SMIM13: variants seen among roughly 807,000 people sequenced by gnomAD.
SMIM13 encodes small integral membrane protein 13, also known as UPF0766 protein C6orf228.
A neutral mutation model predicts 5.9 loss-of-function variants in SMIM13; 3 were observed. The ratio of observed to expected loss-of-function variants is 0.51; its 90% CI spans 0.23 to 1.31. The LOEUF (loss-of-function observed/expected upper bound fraction) is 1.31, where lower values mean the gene tolerates loss of function less well. SMIM13 is among the 40% of genes most tolerant of loss of function. The pLI is 0.18. For synonymous variants in SMIM13, 55 were observed against 46.0 expected, an observed-to-expected ratio of 1.19 and a Z score of -0.79; for missense variants, 85 against 109.9, an observed-to-expected ratio of 0.77 and a Z score of 1.01.
At chr6:11,133,125 G>A (rs941784604) in intron 1 of SMIM13, among the ~76,000 whole-genome samples, 16 of 152,030 alleles carry the variant, frequency 1.1e-4, no homozygotes, top group Non-Finnish European at 2.2e-4. Context: ...CTTCTTCCTT[G>A]GTGTTCTTTC....
intron 1 of SMIM13, among the ~76,000 whole-genome samples, chr6:11,098,828 A>G (rs1757956996): frequency 1.4e-4 from 21 of 152,164 alleles, no homozygotes. Flanking sequence ...CTCATTCCCT[A>G]GAATTTTCTT....
chr6:11,103,981 G>A (rs1188892352), intron 1 of SMIM13: 11 of 1,551,534 alleles, frequency 7.1e-6, no homozygotes, highest in Non-Finnish European at 1.7e-6. Context: ...TTTCCTGATT[G>A]ATTTACCCAA....
chr6:11,112,409 T>A (rs762242610), intron 1 of SMIM13, among the ~76,000 whole-genome samples: 25 of 152,146 alleles, frequency 1.6e-4, no homozygotes, highest in Non-Finnish European at 3.1e-4. Context: ...TGCACCACCA[T>A]GCCCAGCTAA....
chr6:11,095,643 C>T (rs9468412), intron 1 of SMIM13, among the ~76,000 whole-genome samples: 32,862 of 152,214 alleles, frequency 0.22, 3,903 homozygotes, highest in African/African-American at 0.31. Context: ...TGAGTCACTG[C>T]ATCCGGCCTT....
intron 1 of SMIM13, among the ~76,000 whole-genome samples, chr6:11,114,598 T>C (rs1758213310): frequency 8.2e-6 from 1 of 122,054 alleles, no homozygotes; most frequent in Non-Finnish European, 1.7e-5. Context: ...TTCTCTTTTT[T>C]TTTTTTTTTT....
At chr6:11,105,571 T>A (rs1342996048) in intron 1 of SMIM13, 2 of 417,298 alleles carry the variant, frequency 4.8e-6, no homozygotes, top group African/African-American at 2.0e-5. Context: ...GTTTAAGGGC[T>A]TTTCCACAGC....
chr6:11,111,514 C>T (rs1004915027), intron 1 of SMIM13, among the ~76,000 whole-genome samples: 14 of 152,092 alleles, frequency 9.2e-5, no homozygotes, highest in African/African-American at 3.1e-4. Context: ...AGCCATCCTT[C>T]GGGGTGAGCA....
rs1017116917 is a variant in SMIM13 at position 11,122,073 on chromosome 6, T to C, written c.77-12330T>C. 6.6e-5 allele frequency among the ~76,000 whole-genome samples: 10 copies of C among 152,326 alleles called. No individual in the cohort carries two copies. In the South Asian group the frequency reaches 2.1e-3, roughly 32 times the overall value. On this transcript the variant is annotated intron_variant, in intron 1 of 1. Coordinates refer to ENST00000416247, the MANE Select transcript of SMIM13 (RefSeq NM_001135575.2). The stretch of plus-strand genomic sequence containing the variant: ...TCTTTTCCTTGGCCAGTCTCCACAA[T>C]TCACTGGCAGCAGCACTCATGCTTC...
In SMIM13 at chr6:11,138,052, CTT is replaced by C. The variant is rs1365455699; in HGVS notation, c.*3452_*3453del. Reference sequence around the variant, plus strand: ...CATTTTTACTTTTAAGAGCAGCAATCTTTGAAATTAGTCAACAATGCAGTCTT... The same window carrying C: ...CATTTTTACTTTTAAGAGCAGCAATCTGAAATTAGTCAACAATGCAGTCTT... On this transcript the variant is annotated 3_prime_UTR_variant, in exon 2 of 2. Transcript: ENST00000416247. 6.6e-6 allele frequency: 1 copy of C among 152,142 alleles called. No homozygotes were observed. The highest frequency in any genetic ancestry group is 1.5e-5 in the Non-Finnish European group (1 of 68,008). The allele number at this position is 152,142 out of a possible 1,614,324, so 9.4% of individuals were successfully genotyped here. A position where few individuals can be genotyped will look rare whatever the true frequency, so the allele number is the denominator to read the frequency against.
At chr6:11,103,997 A>AC in intron 1 of SMIM13, 1 of 1,551,684 alleles carries the variant, frequency 6.4e-7, no homozygotes, top group Non-Finnish European at 8.7e-7. Flanking sequence ...CCCAAAAGCA[A>AC]CATTTTTCAT....
At chr6:11,104,384 G>A (rs1758050504) in intron 1 of SMIM13, 6 of 1,551,576 alleles carry the variant, frequency 3.9e-6, no homozygotes, top group South Asian at 3.6e-5. Context: ...AGTTACTGGG[G>A]AGGCATTGGT....
At position 11,094,294 on chromosome 6, in the gene SMIM13, A is replaced by C. The variant is rs1244326527; in HGVS notation, c.-20A>C. ...CGTCCGCGCCAGCCGCCCCGAGCCG[A>C]CTGCCCTTCTGCCCCCAAGATGTGG... On this transcript the variant is annotated 5_prime_UTR_variant, in exon 1 of 2. Transcript: ENST00000416247. 8.4e-6 allele frequency: 12 copies of C among 1,430,378 alleles called. No homozygotes were observed. The highest frequency in any genetic ancestry group is 1.1e-5 in the Non-Finnish European group (12 of 1,083,454). 88.6% of individuals were successfully genotyped at this position (1,430,378 alleles called of 1,614,324 possible). A position where few individuals can be genotyped will look rare whatever the true frequency, so the allele number is the denominator to read the frequency against.
At chr6:11,109,329 C>G (rs965041413) in intron 1 of SMIM13, among the ~76,000 whole-genome samples, 1 of 152,158 alleles carries the variant, frequency 6.6e-6, no homozygotes. Context: ...AGTCTGGACT[C>G]CAGTGGGTCC....
intron 1 of SMIM13, among the ~76,000 whole-genome samples, chr6:11,124,003 TA>T (rs1287784393): frequency 1.3e-5 from 2 of 152,230 alleles, no homozygotes; most frequent in African/African-American, 4.8e-5. Context: ...CTTTGCATTA[TA>T]ATTCTTTTAT....
At chr6:11,101,281 A>G (rs182268569) in intron 1 of SMIM13, among the ~76,000 whole-genome samples, 2 of 152,290 alleles carry the variant, frequency 1.3e-5, no homozygotes, top group Admixed American at 1.3e-4. Context: ...CTGTGTGATC[A>G]AGTCACACAG....
intron 1 of SMIM13, among the ~76,000 whole-genome samples, chr6:11,117,245 G>C (rs1489287824): frequency 1.4e-5 from 2 of 138,066 alleles, no homozygotes; most frequent in South Asian, 2.3e-4. Context: ...CTCACTGCAA[G>C]CTCTGCCTCC....
intron 1 of SMIM13, among the ~76,000 whole-genome samples, chr6:11,107,066 A>G (rs1474005076): frequency 2.0e-5 from 3 of 152,184 alleles, no homozygotes; most frequent in African/African-American, 4.8e-5. Flanking sequence ...GGGACATTGT[A>G]CCATACTCTG....
At position 11,114,745 on chromosome 6, in the gene SMIM13, T is replaced by G. The variant is rs977768223; in HGVS notation, c.77-19658T>G. Among the ~76,000 whole-genome samples the G allele has an allele frequency of 2.0e-5, 3 of 150,904 alleles. No homozygotes were observed. In the South Asian group the frequency reaches 6.3e-4, roughly 32 times the overall value. ...TCCTAAGTAGCTGGGATTACAGGCG[T>G]GTACCACCACACCCAGCTAATTTTT... On this transcript the variant is annotated intron_variant, in intron 1 of 1. Transcript: ENST00000416247.
At chr6:11,124,749 T>TG in intron 1 of SMIM13, among the ~76,000 whole-genome samples, 1 of 152,334 alleles carries the variant, frequency 6.6e-6, no homozygotes, top group Non-Finnish European at 1.5e-5. Flanking sequence ...AGTTTCGTTT[T>TG]GCATTTCTCT....
Sources: gnomAD v4.1 joint callset for allele counts (sites outside exome capture counted in the v4.1 genomes callset) on GRCh38, gnomAD v4.1.1 for gene constraint, MANE v1.5 for transcripts, NCBI Gene and HGNC (gene_info 2026-07-23, HGNC 2026-07-21) for gene names.